Variants in AHDC1 observed in about 807,000 individuals in gnomAD.
The protein encoded by AHDC1 is AT-hook DNA binding motif containing 1.
In AHDC1, 7 loss-of-function variants were observed where a neutral mutation model predicts 87.9. That is an observed-to-expected ratio of 0.08 (90% CI 0.05 to 0.15). The LOEUF is 0.15. Among genes scored for constraint, AHDC1 ranks in the 10% least tolerant of loss-of-function variants. AHDC1 has a pLI of 1.00. For missense variants in AHDC1, 1,841 were observed against 2,253.2 expected (o/e 0.82, Z 3.70); for synonymous variants, 1,051 against 1,006.8 (o/e 1.04, Z -0.83).
In AHDC1 at chr1:27,547,970, C is replaced by T. The variant is rs147352724; in HGVS notation, c.4146G>A (p.Pro1382=). Residue 1382 remains proline (P), a synonymous_variant, in exon 8 of 9, where the codon CCG becomes CCA. Coordinates refer to ENST00000673934, the MANE Select transcript of AHDC1 (RefSeq NM_001371928.1). This position sits in a 1 kb window ranked among gnomAD's most constrained non-coding sequence, Gnocchi z 4.9. ...APELDGKHFP[P]LAHPPTVFDA... ...CAAACACCGTGGGTGGGTGGGCCAG[C>T]GGTGGGAAATGCTTGCCATCAAGCT... The T allele has an allele frequency of 5.2e-5, 84 of 1,600,946 alleles. No individual in the cohort carries two copies. The highest frequency in any genetic ancestry group is 7.8e-5 in the South Asian group (7 of 89,812).
Position 27,550,119 on chromosome 1 carries a change from C to G in AHDC1, c.1997G>C (p.Arg666Pro). The change falls in exon 8 of 9, where the codon CGG (arginine) becomes CCG (proline). Residue 666 changes from arginine (R) to proline (P), a missense_variant. This residue lies in a region of AHDC1 where 236 missense variants were observed against 257.9 expected (regional missense o/e 0.92). Coordinates refer to ENST00000673934, the MANE Select transcript of AHDC1 (RefSeq NM_001371928.1). ...ACCGCCTGCTTTGCCCCCACGCCGCCGGAAGCCCTGCACACGATGCAGGAA... is the reference window on the plus strand; with the variant it reads ...ACCGCCTGCTTTGCCCCCACGCCGCGGGAAGCCCTGCACACGATGCAGGAA... ...SHFLHRVQGF[R>P]RRGGKAGGFG... The G allele has an allele frequency of 6.2e-7, 1 of 1,610,356 alleles. No individual in the cohort carries two copies. The highest frequency in any genetic ancestry group is 8.5e-7 in the Non-Finnish European group (1 of 1,179,850).
chr1:27,603,910 G>T (rs2089613278), intron 1 of AHDC1, 47 bp from the exon 2 acceptor site: 1 of 152,294 alleles, frequency 6.6e-6, no homozygotes, highest in Non-Finnish European at 1.5e-5. Flanking sequence ...GCTGGCTTTG[G>T]GTGGTGGTAG....
chr1:27,595,342 C>A lies in AHDC1; in HGVS notation c.-629+8055G>T, dbSNP rs1318389926. ...GTGTGTGTCTGGGGAGGTGTCAGGG[C>A]TTTGAGGGTATGAGTCAGTGGGAAG... On this transcript the variant is annotated intron_variant, in intron 3 of 8. Transcript: ENST00000673934. This position sits in a 1 kb window ranked among gnomAD's most constrained non-coding sequence, Gnocchi z 4.0. Among the ~76,000 whole-genome samples, 1 of 150,552 alleles carries A rather than the reference C, an allele frequency of 6.6e-6. No homozygotes were observed. The highest frequency in any genetic ancestry group is 6.6e-5 in the Admixed American group (1 of 15,086).
In AHDC1 at chr1:27,561,903, TAG is replaced by T. The variant is rs1287601941; in HGVS notation, c.-628-3022_-628-3021del. Among the ~76,000 whole-genome samples the T allele has an allele frequency of 2.0e-5, 3 of 149,784 alleles. No individual in the cohort carries two copies. In the East Asian group the frequency reaches 5.9e-4, roughly 30 times the overall value. ...GGAAGAAGGGAGATGGAGAGGAAGGTAGAGAGAGGCGGGTGAGACCTTGTCAG... is the reference window on the plus strand; with the variant it reads ...GGAAGAAGGGAGATGGAGAGGAAGGTAGAGAGGCGGGTGAGACCTTGTCAG... On this transcript the variant is annotated intron_variant, in intron 3 of 8. Coordinates refer to ENST00000673934, the MANE Select transcript of AHDC1 (RefSeq NM_001371928.1). The surrounding 1 kb of genome is among the most constrained non-coding windows in gnomAD (Gnocchi z 4.2).
chr1:27,587,101 T>G (rs1430869671), intron 3 of AHDC1, among the ~76,000 whole-genome samples: 3 of 152,212 alleles, frequency 2.0e-5, no homozygotes, highest in Admixed American at 2.0e-4. Flanking sequence ...CTGACCCAGT[T>G]GGCTAGACCA....
At chr1:27,591,811 G>A (rs1470320424) in intron 3 of AHDC1, among the ~76,000 whole-genome samples, 1 of 152,248 alleles carries the variant, frequency 6.6e-6, no homozygotes, top group East Asian at 1.9e-4. Flanking sequence ...TGGGGTAATA[G>A]TGCCTCTCTC....
In AHDC1 at chr1:27,548,846, G is replaced by A; in HGVS notation, c.3270C>T (p.Ser1090=). The A allele has an allele frequency of 6.2e-7, 1 of 1,612,538 alleles. No homozygotes were observed. The highest frequency in any genetic ancestry group is 1.7e-4 in the Middle Eastern group (1 of 6,058). Residue 1090 remains serine, a synonymous_variant, in exon 8 of 9, where the codon TCC becomes TCT. Transcript: ENST00000673934. ...SAASAASSSS[S]SFQPSPENCR... ...AGTTCTCGGGCGAGGGCTGGAAGGA[G>A]GAGGAGGAGGAGGAGGCGGCAGAGG... is the stretch of plus-strand genomic sequence containing the variant.
intron 8 of AHDC1, among the ~76,000 whole-genome samples, chr1:27,539,613 T>C (rs949737682): frequency 6.6e-6 from 1 of 151,802 alleles, no homozygotes; most frequent in Non-Finnish European, 1.5e-5. Flanking sequence ...GCCTGGCTAA[T>C]TTTTGTATTT....
intron 8 of AHDC1, among the ~76,000 whole-genome samples, chr1:27,537,551 C>T (rs979535545): frequency 5.9e-5 from 9 of 152,154 alleles, no homozygotes; most frequent in African/African-American, 1.7e-4. Context: ...GGTCCAGCTC[C>T]GGCCTTGCAC....
intron 3 of AHDC1, among the ~76,000 whole-genome samples, chr1:27,566,090 A>C (rs1176798727): frequency 6.6e-6 from 1 of 152,174 alleles, no homozygotes; most frequent in Non-Finnish European, 1.5e-5. Flanking sequence ...GAAGGAAACA[A>C]CCTGGTAGGA....
Position 27,551,104 on chromosome 1 carries a change from G to A in AHDC1, c.1012C>T (p.Pro338Ser), listed in dbSNP as rs916167582. ...CGACCTGGGACGTCAAGCAGCTTGG[G>A]CAGGGGGTCGAGTGCCTGGGGGTCA... The part of the protein sequence containing the change: ...LLDPQALDPL[P>S]KLLDVPGRRL... Residue 338 changes from proline (P) to serine (S), a missense_variant, in exon 8 of 9, where the codon CCC becomes TCC. Transcript: ENST00000673934. The A allele has an allele frequency of 1.2e-5, 19 of 1,579,288 alleles. No individual in the cohort carries two copies. Among genetic ancestry groups the A allele is most frequent in the Non-Finnish European group, 1.3e-5 (15 of 1,162,466 alleles).
At chr1:27,540,267 C>T (rs1473187313) in intron 8 of AHDC1, among the ~76,000 whole-genome samples, 1 of 152,170 alleles carries the variant, frequency 6.6e-6, no homozygotes, top group African/African-American at 2.4e-5. Flanking sequence ...TTTATTTACA[C>T]ACCCTGTCCC....
intron 7 of AHDC1, chr1:27,552,399 AC>A: frequency 2.8e-6 from 1 of 359,274 alleles, no homozygotes; most frequent in Admixed American, 5.1e-5. Context: ...GCCCAGTTTC[AC>A]TTTTTTTTTT....
In AHDC1 at chr1:27,562,528, C is replaced by T. The variant is rs7541451; in HGVS notation, c.-628-3645G>A. On this transcript the variant is annotated intron_variant, in intron 3 of 8. Transcript: ENST00000673934. The surrounding 1 kb of genome is among the most constrained non-coding windows in gnomAD (Gnocchi z 4.4). ...CCCCACCTCACAGACACACACCTGC[C>T]CTGGCCCTAAAGGCCCTTCTCCACA... Among the ~76,000 whole-genome samples the T allele has an allele frequency of 0.028, 4,267 of 152,258 alleles. 180 individuals are homozygous for T. The highest frequency in any genetic ancestry group is 0.097 in the African/African-American group (4,017 of 41,502).
At chr1:27,543,307 CG>C (rs1208486791) in intron 8 of AHDC1, among the ~76,000 whole-genome samples, 4 of 152,234 alleles carry the variant, frequency 2.6e-5, no homozygotes, top group African/African-American at 9.6e-5. Context: ...CAGGGCCCAA[CG>C]TGGAGCCAGT....
At chr1:27,542,567 G>A (rs953507312) in intron 8 of AHDC1, among the ~76,000 whole-genome samples, 1 of 152,240 alleles carries the variant, frequency 6.6e-6, no homozygotes, top group Non-Finnish European at 1.5e-5. Context: ...CAGGGACCTG[G>A]CCAAGGGCTT....
intron 3 of AHDC1, among the ~76,000 whole-genome samples, chr1:27,583,164 G>A (rs908620466): frequency 5.9e-5 from 9 of 152,182 alleles, no homozygotes; most frequent in African/African-American, 2.2e-4. Context: ...CACCATGCCT[G>A]GCCGTTTATT....
At chr1:27,564,289 G>T (rs140505755) in intron 3 of AHDC1, among the ~76,000 whole-genome samples, 3 of 152,224 alleles carry the variant, frequency 2.0e-5, no homozygotes, top group Non-Finnish European at 4.4e-5. Flanking sequence ...CTTCGGGGAG[G>T]GGGGAAGGGG....
chr1:27,569,689 C>G (rs949051781), intron 3 of AHDC1, among the ~76,000 whole-genome samples: 1 of 152,082 alleles, frequency 6.6e-6, no homozygotes, highest in African/African-American at 2.4e-5. Flanking sequence ...AGCGTGACAG[C>G]AGGGCCAGAA....
Sources: gnomAD v4.1 joint callset for allele counts (sites outside exome capture counted in the v4.1 genomes callset) on GRCh38, gnomAD v4.1.1 for gene constraint, gnomAD v4.1.1 regional missense constraint, Gnocchi (gnomAD v3.1) non-coding constraint, MANE v1.5 for transcripts, NCBI Gene and HGNC (gene_info 2026-07-23, HGNC 2026-07-21) for gene names.